TENT5D: variants seen among roughly 807,000 people sequenced by gnomAD.
The protein encoded by TENT5D is terminal nucleotidyltransferase 5D.
For missense variants in TENT5D, 191 were observed against 287.0 expected, an observed-to-expected ratio of 0.67 and a Z score of 2.42; for synonymous variants, 103 against 100.6, an observed-to-expected ratio of 1.02 and a Z score of -0.15.
chrX:80,419,312 A>G (rs1931838493), upstream of TENT5D, among the ~76,000 whole-genome samples: 1 of 112,064 alleles, frequency 8.9e-6, no homozygotes, highest in Non-Finnish European at 1.9e-5. Context: ...TTTATATACA[A>G]GGATTAGGAT....
chrX:80,383,635 T>C (rs1389529529), intron 3 of TENT5D, among the ~76,000 whole-genome samples: 10 of 111,805 alleles, frequency 8.9e-5, no homozygotes, highest in African/African-American at 3.3e-4. Flanking sequence ...GGCAGGCAGA[T>C]CACAAGGTCA....
chrX:80,389,194 A>G (rs575179496), intron 3 of TENT5D, among the ~76,000 whole-genome samples: 1 of 111,625 alleles, frequency 9.0e-6, no homozygotes, highest in African/African-American at 3.3e-5. Flanking sequence ...AAGACCAGAT[A>G]CTGTGATCAC....
At chrX:80,406,445 T>G (rs1931498097) in intron 3 of TENT5D, among the ~76,000 whole-genome samples, 1 of 106,847 alleles carries the variant, frequency 9.4e-6, no homozygotes, top group South Asian at 4.3e-4. Flanking sequence ...GAGAACTACG[T>G]GAAGAATGCA....
chrX:80,375,089 T>C (rs1930699055), intron 3 of TENT5D, among the ~76,000 whole-genome samples: 1 of 111,790 alleles, frequency 8.9e-6, no homozygotes, highest in African/African-American at 3.2e-5. Flanking sequence ...TTCTGTTCTT[T>C]CATTGCTATT....
At chrX:80,360,068 C>T (rs1291790808) in intron 3 of TENT5D, among the ~76,000 whole-genome samples, 1 of 111,833 alleles carries the variant, frequency 8.9e-6, no homozygotes, top group African/African-American at 3.2e-5. Context: ...TTATACGTTT[C>T]TGAATCAGAT....
chrX:80,361,617 A>T (rs1367471636), intron 3 of TENT5D, among the ~76,000 whole-genome samples: 1 of 111,436 alleles, frequency 9.0e-6, no homozygotes, highest in Non-Finnish European at 1.9e-5. Context: ...TCATGTTGAA[A>T]TTTTTTGATG....
At chrX:80,443,034 C>G in exon 3 of TENT5D, 2 of 1,211,289 alleles carry the variant, frequency 1.7e-6, no homozygotes, top group Non-Finnish European at 2.2e-6. Context: ...TGAGTTCACT[C>G]AGACGGCAGT....
intron 3 of TENT5D, among the ~76,000 whole-genome samples, chrX:80,404,216 C>A (rs1313608691): frequency 9.0e-6 from 1 of 111,401 alleles, no homozygotes; most frequent in Non-Finnish European, 1.9e-5. Flanking sequence ...ATTCATTTAG[C>A]CAAAGTGATA....
intron 3 of TENT5D, among the ~76,000 whole-genome samples, chrX:80,385,765 T>C (rs1474649154): frequency 8.9e-6 from 1 of 111,922 alleles, no homozygotes; most frequent in East Asian, 2.8e-4. Flanking sequence ...GGGTGAAGGA[T>C]ATGAACAGAC....
At chrX:80,408,995 A>G (rs1157135536) in intron 3 of TENT5D, among the ~76,000 whole-genome samples, 2 of 111,112 alleles carry the variant, frequency 1.8e-5, no homozygotes, top group Non-Finnish European at 3.8e-5. Flanking sequence ...CAAAGACAAA[A>G]ACCACATGAT....
At chrX:80,444,306 A>T (rs1376864784) in exon 3 of TENT5D, 1 of 122,512 alleles carries the variant, frequency 8.2e-6, no homozygotes, top group East Asian at 2.8e-4. Context: ...ATCCTACTAT[A>T]GTTTAAAGGA....
intron 2 of TENT5D, among the ~76,000 whole-genome samples, chrX:80,337,889 C>T (rs1375245632): frequency 9.1e-6 from 1 of 110,458 alleles, no homozygotes; most frequent in Non-Finnish European, 1.9e-5. Flanking sequence ...CTCAGCCTCC[C>T]GAGTAGCTGG....
chrX:80,348,122 G>A (rs913436136), intron 3 of TENT5D, among the ~76,000 whole-genome samples: 4 of 111,472 alleles, frequency 3.6e-5, no homozygotes, highest in African/African-American at 6.5e-5. Flanking sequence ...TGCCTATAGC[G>A]TTGCTCTTTT....
intron 3 of TENT5D, among the ~76,000 whole-genome samples, chrX:80,355,350 G>A (rs763276632): frequency 1.5e-3 from 169 of 111,692 alleles, no homozygotes; most frequent in African/African-American, 5.3e-3. Flanking sequence ...AGACCACAGG[G>A]GTGCTGAGAT....
At chrX:80,407,138 G>A (rs1373043867) in intron 3 of TENT5D, among the ~76,000 whole-genome samples, 1 of 108,949 alleles carries the variant, frequency 9.2e-6, no homozygotes, top group African/African-American at 3.3e-5. Flanking sequence ...ACCAGCCACT[G>A]CAAAATCATG....
Position 80,363,682 on chromosome X carries a change from A to G in TENT5D, c.-142+21118A>G, listed in dbSNP as rs750219490. Among the ~76,000 whole-genome samples, 4 of 112,039 alleles carry G rather than the reference A, an allele frequency of 3.6e-5. No homozygotes were observed. In the East Asian group the frequency reaches 8.4e-4, roughly 24 times the overall value. ...TCTTGTTTTACTCCTGACTCTGCCC[A>G]TGCCTTCTCAGTCTCCTTTGCTGCC... On this transcript the variant is annotated intron_variant, in intron 3 of 4. Coordinates refer to the TENT5D transcript ENST00000538312.
At chrX:80,411,006 A>G (rs1489009930) in intron 3 of TENT5D, among the ~76,000 whole-genome samples, 2 of 103,216 alleles carry the variant, frequency 1.9e-5, no homozygotes, top group Non-Finnish European at 3.9e-5. Flanking sequence ...AAAAAACCAA[A>G]CACCTCATAT....
intron 3 of TENT5D, among the ~76,000 whole-genome samples, chrX:80,406,143 A>T (rs1453528467): frequency 9.0e-6 from 1 of 111,675 alleles, no homozygotes; most frequent in African/African-American, 3.3e-5. Flanking sequence ...AACCACAAAG[A>T]TGGGGAGAAA....
intron 2 of TENT5D, among the ~76,000 whole-genome samples, chrX:80,335,912 A>G (rs1412107392): frequency 9.1e-6 from 1 of 110,132 alleles, no homozygotes; most frequent in Non-Finnish European, 1.9e-5. Context: ...TTTTTTTTCA[A>G]TATATATATA....
Sources: allele counts gnomAD v4.1 joint callset (sites outside exome capture counted in the v4.1 genomes callset), GRCh38; gene constraint gnomAD v4.1.1; transcripts MANE v1.5; gene names NCBI Gene and HGNC (gene_info 2026-07-23, HGNC 2026-07-21).